Variants in PHF13 observed in about 807,000 individuals in gnomAD.
PHF13 encodes the protein PHD zinc finger protein PHF5.
Under a neutral mutation model 25.8 loss-of-function variants are expected in PHF13, and 1 was observed. The ratio of observed to expected loss-of-function variants is 0.04; its 90% CI spans 0.01 to 0.18. The LOEUF (loss-of-function observed/expected upper bound fraction) is 0.18, where lower values mean the gene tolerates loss of function less well. Ranked by LOEUF, PHF13 falls within the 10% of genes least tolerant of loss-of-function variation. The probability of loss-of-function intolerance (pLI) is 1.00; values close to 1 mark genes in which losing one functional copy is unlikely to be tolerated. For missense variants in PHF13, 306 were observed against 403.2 expected, an observed-to-expected ratio of 0.76 and a Z score of 2.06; for synonymous variants, 195 against 162.4, an observed-to-expected ratio of 1.20 and a Z score of -1.53.
intron 1 of PHF13, among the ~76,000 whole-genome samples, chr1:6,615,355 G>C (rs896121219): frequency 3.3e-5 from 5 of 152,230 alleles, no homozygotes; most frequent in South Asian, 2.1e-4. Flanking sequence ...TCGCCAGTGC[G>C]GGGAGCGCGG....
At chr1:6,616,269 C>T (rs1424197045) in intron 1 of PHF13, among the ~76,000 whole-genome samples, 2 of 151,916 alleles carry the variant, frequency 1.3e-5, no homozygotes, top group Admixed American at 6.6e-5. Flanking sequence ...CCTCGTGATC[C>T]GCCCGCCTCG....
intron 2 of PHF13, among the ~76,000 whole-genome samples, chr1:6,618,137 C>T (rs1207872695): frequency 6.6e-6 from 1 of 151,898 alleles, no homozygotes; most frequent in Non-Finnish European, 1.5e-5. Flanking sequence ...ATTGAACAAT[C>T]CAGCTTTTTT....
chr1:6,615,452 G>A (rs1641246785), intron 1 of PHF13, among the ~76,000 whole-genome samples: 1 of 152,174 alleles, frequency 6.6e-6, no homozygotes, highest in African/African-American at 2.4e-5. Context: ...ACCAGGTTGA[G>A]AAAATAATTT....
rs968271621 is a variant in PHF13 at position 6,623,300 on chromosome 1, GAA to G, written c.*1665_*1666del. On this transcript the variant is annotated 3_prime_UTR_variant, in exon 4 of 4. Coordinates refer to ENST00000377648, the MANE Select transcript of PHF13 (RefSeq NM_153812.3). ...GCTTGTATTAACACGAAACTAGAGA[GAA>G]ATAGTTTCTGAAGCCAGTTTATTGT... The G allele has an allele frequency of 2.0e-5, 3 of 152,616 alleles. No homozygotes were observed. The allele number at this position is 152,616 out of a possible 1,614,324, so 9.5% of individuals were successfully genotyped here.
At chr1:6,617,880 T>C (rs548502915) in intron 2 of PHF13, among the ~76,000 whole-genome samples, 16 of 152,310 alleles carry the variant, frequency 1.1e-4, no homozygotes, top group Non-Finnish European at 2.1e-4. Context: ...GAAAACTTTG[T>C]CTTAGGTCAC....
At position 6,621,201 on chromosome 1, in the gene PHF13, GAAAA is replaced by G. The variant is rs869279713; in HGVS notation, c.677-199_677-196del. On this transcript the variant is annotated intron_variant, in intron 3 of 3. Transcript: ENST00000377648. This position sits in a 1 kb window ranked among gnomAD's most constrained non-coding sequence, Gnocchi z 4.8. ...TGACAGAGTGAGACCCTGTCTTAGG[GAAAA>G]AAAAAAAAAAGTAAGCATCTCCTGG... 1.5e-3 allele frequency among the ~76,000 whole-genome samples: 220 copies of G among 144,336 alleles called. 1 individual carries two copies. Among genetic ancestry groups the G allele is most frequent in the African/African-American group, 5.4e-3 (213 of 39,404 alleles). 94.7% of individuals were successfully genotyped at this position (144,336 alleles called of 152,430 possible).
At position 6,622,904 on chromosome 1, in the gene PHF13, G is replaced by C. The variant is rs1430179396; in HGVS notation, c.*1267G>C. ...GTGCCCTGGAACACTGGTAGTTCTG[G>C]GGCTGGGAGGGAGAGGGGCTCCGGC... On this transcript the variant is annotated 3_prime_UTR_variant, in exon 4 of 4. Coordinates refer to ENST00000377648, the MANE Select transcript of PHF13 (RefSeq NM_153812.3). 6.6e-6 allele frequency: 1 copy of C among 152,264 alleles called. No homozygotes were observed. Among genetic ancestry groups the C allele is most frequent in the East Asian group, 1.9e-4 (1 of 5,202 alleles). The allele number at this position is 152,264 out of a possible 1,614,324, so 9.4% of individuals were successfully genotyped here. A position where few individuals can be genotyped will look rare whatever the true frequency, so the allele number is the denominator to read the frequency against.
Position 6,620,051 on chromosome 1 carries a change from T to C in PHF13, c.390T>C (p.Pro130=), listed in dbSNP as rs147060229. ...GGAAGCGCAGGGACAGTGATGCGCC[T>C]GGGAAAGAGGGGTACAGGGGGGGCT... ...KKRKRRDSDA[P]GKEGYRGGLL... The change falls in exon 3 of 4, where the codon CCT becomes CCC. Residue 130 remains proline, a synonymous_variant. Coordinates refer to ENST00000377648, the MANE Select transcript of PHF13 (RefSeq NM_153812.3). 1 of 1,613,436 alleles carries C rather than the reference T, an allele frequency of 6.2e-7. No homozygotes were observed. Among genetic ancestry groups the C allele is most frequent in the Non-Finnish European group, 8.5e-7 (1 of 1,179,948 alleles).
rs141668960 is a variant in PHF13, at chr1:6,619,863, G to A, written c.202G>A (p.Asp68Asn). 20 of 1,613,636 alleles carry A rather than the reference G, an allele frequency of 1.2e-5. No individual in the cohort carries two copies. The highest frequency in any genetic ancestry group is 1.6e-5 in the Non-Finnish European group (19 of 1,180,022). ...ANSTAGTIDS[D>N]GWDAGFSDIA... ...CAGCACTGCTGGTACCATTGACAGC[G>A]ACGGCTGGGACGCGGGTTTCTCAGA... Residue 68 changes from aspartate (D) to asparagine (N), a missense_variant, in exon 3 of 4, where the codon GAC (aspartate) becomes AAC (asparagine). This residue lies in a region of PHF13 where 36 missense variants were observed against 76.0 expected (regional missense o/e 0.47). Transcript: ENST00000377648.
chr1:6,614,345 C>T (rs1297358721), intron 1 of PHF13: 3 of 511,138 alleles, frequency 5.9e-6, no homozygotes, highest in South Asian at 2.4e-5. Flanking sequence ...CGCCCTTTCC[C>T]CAGGGCCGTT....
chr1:6,615,552 C>G (rs1046434422), intron 1 of PHF13, among the ~76,000 whole-genome samples: 15 of 152,188 alleles, frequency 9.9e-5, no homozygotes, highest in South Asian at 2.1e-4. Flanking sequence ...CCCTGCCCCC[C>G]ATTTCCCCAC....
In PHF13 at chr1:6,617,172, C is replaced by A. The variant is rs764306970; in HGVS notation, c.141+314C>A. Among the ~76,000 whole-genome samples, 3 of 147,768 alleles carry A rather than the reference C, an allele frequency of 2.0e-5. No individual in the cohort carries two copies. In the East Asian group the frequency reaches 6.2e-4, roughly 30 times the overall value. On this transcript the variant is annotated intron_variant, in intron 2 of 3. Coordinates refer to ENST00000377648, the MANE Select transcript of PHF13 (RefSeq NM_153812.3). ...GGCTGGAGTGCAGTGTCGTAAAACT[C>A]CACCCCCGGGTTCAAGGGATTCTCC...
rs1388821695 is a variant in PHF13 at position 6,621,952 on chromosome 1, A to G, written c.*315A>G. On this transcript the variant is annotated 3_prime_UTR_variant, in exon 4 of 4. Coordinates refer to ENST00000377648, the MANE Select transcript of PHF13 (RefSeq NM_153812.3). The surrounding 1 kb of genome is among the most constrained non-coding windows in gnomAD (Gnocchi z 4.8). ...AGCTGTGCGTTTTGCTATCATTGCT[A>G]AGAGATTCCCGCTGATTGGGCTCAG... 3 of 427,904 alleles carry G rather than the reference A, an allele frequency of 7.0e-6. No individual in the cohort carries two copies. The Admixed American group carries it at 1.1e-4, about 15-fold the overall frequency. 26.5% of individuals were successfully genotyped at this position (427,904 alleles called of 1,614,324 possible). A position where few individuals can be genotyped will look rare whatever the true frequency, so the allele number is the denominator to read the frequency against.
In PHF13 at chr1:6,621,607, G is replaced by T. The variant is rs1279821232; in HGVS notation, c.873G>T (p.Arg291=). ...KFDIRRSNRS[R]TGSRKLFLD Reference sequence around the variant, plus strand: ...ACATCCGCCGTTCCAACCGCTCGCGGACGGGCTCCCGGAAGCTGTTCCTGG... The same window carrying T: ...ACATCCGCCGTTCCAACCGCTCGCGTACGGGCTCCCGGAAGCTGTTCCTGG... The change falls in exon 4 of 4, where the codon CGG becomes CGT. Residue 291 remains arginine, a synonymous_variant. Coordinates refer to ENST00000377648, the MANE Select transcript of PHF13 (RefSeq NM_153812.3). The surrounding 1 kb of genome is among the most constrained non-coding windows in gnomAD (Gnocchi z 4.8). 1 of 1,614,084 alleles carries T rather than the reference G, an allele frequency of 6.2e-7. No individual in the cohort carries two copies. The highest frequency in any genetic ancestry group is 8.5e-7 in the Non-Finnish European group (1 of 1,180,048).
chr1:6,614,818 G>C (rs1420217707), intron 1 of PHF13, among the ~76,000 whole-genome samples: 9 of 150,806 alleles, frequency 6.0e-5, no homozygotes, highest in Non-Finnish European at 1.3e-4. Flanking sequence ...ATCGGCCCTC[G>C]GGGCTCCCGG....
In PHF13 at chr1:6,614,078, C is replaced by G. The variant is rs751070506; in HGVS notation, c.12C>G (p.Asp4Glu). The change falls in exon 1 of 4, where the codon GAC (aspartate) becomes GAG (glutamate). Residue 4 changes from aspartate (D) to glutamate (E), a missense_variant. Around this residue, in one of 5 missense-constraint regions of PHF13, gnomAD observed 31 missense variants for 23.9 expected, o/e 1.30. Transcript: ENST00000377648. MDS[D>E]SCAAAFHPEE... The stretch of plus-strand genomic sequence containing the variant: ...CCCCCGCCCGGAACATGGACTCTGA[C>G]TCTTGCGCCGCCGCCTTCCACCCGG... 3 of 1,598,564 alleles carry G rather than the reference C, an allele frequency of 1.9e-6. No individual in the cohort carries two copies. In the South Asian group the frequency reaches 3.3e-5, roughly 18 times the overall value.
rs746700910 is a variant in PHF13, at chr1:6,621,685, G to T, written c.*48G>T. On this transcript the variant is annotated 3_prime_UTR_variant, in exon 4 of 4. Transcript: ENST00000377648. This position sits in a 1 kb window ranked among gnomAD's most constrained non-coding sequence, Gnocchi z 4.8. The stretch of plus-strand genomic sequence containing the variant: ...CGAGCGTGGAATCGGAAGCGACCGC[G>T]GGCTTTTTTGCCCTTCTCTTAGTTG... The T allele has an allele frequency of 2.5e-6, 4 of 1,575,150 alleles. No homozygotes were observed. The highest frequency in any genetic ancestry group is 2.2e-5 in the East Asian group (1 of 44,544).
Position 6,620,078 on chromosome 1 carries a change from G to A in PHF13, c.417G>A (p.Leu139=). Residue 139 remains leucine (L), a synonymous_variant, in exon 3 of 4, where the codon TTG becomes TTA. Transcript: ENST00000377648. ...GGAAAGAGGGGTACAGGGGGGGCTT[G>A]CTGAAGCTGGAAGCCGCTGACCCCT... ...APGKEGYRGG[L]LKLEAADPYV... is the part of the protein sequence containing the mutation. The A allele has an allele frequency of 6.2e-7, 1 of 1,613,484 alleles. No individual in the cohort carries two copies. Among genetic ancestry groups the A allele is most frequent in the Non-Finnish European group, 8.5e-7 (1 of 1,180,008 alleles).
At position 6,620,191 on chromosome 1, in the gene PHF13, C is replaced by G. The variant is rs757288878; in HGVS notation, c.530C>G (p.Ser177Trp). The G allele has an allele frequency of 1.2e-6, 2 of 1,613,872 alleles. No homozygotes were observed. The highest frequency in any genetic ancestry group is 1.1e-5 in the South Asian group (1 of 91,084). ...TCGGGCTGGGACTCCGATACTCCCT[C>G]GAGTGGATCTTGTGCCACTGTGTCA... ...PCSGWDSDTP[S>W]SGSCATVSPD... The change falls in exon 3 of 4, where the codon TCG (serine) becomes TGG (tryptophan). Residue 177 changes from serine to tryptophan, a missense_variant. Ser to Trp is a radical substitution (Grantham distance 177, BLOSUM62 -3). This residue lies in a region of PHF13 where 186 missense variants were observed against 164.0 expected (regional missense o/e 1.13). Transcript: ENST00000377648.
Sources: allele counts gnomAD v4.1 joint callset (sites outside exome capture counted in the v4.1 genomes callset), GRCh38; gene constraint gnomAD v4.1.1; regional missense constraint gnomAD v4.1.1; non-coding constraint Gnocchi (gnomAD v3.1); transcripts MANE v1.5; gene names NCBI Gene and HGNC (gene_info 2026-07-23, HGNC 2026-07-21).